Variants in DNAH10 observed in about 807,000 individuals in gnomAD.
DNAH10 encodes the protein dynein axonemal heavy chain 10.
Under a neutral mutation model 506.6 loss-of-function variants are expected in DNAH10, and 348 were observed. The observed-to-expected ratio is 0.69, with a 90% confidence interval of 0.63 to 0.75. The LOEUF (loss-of-function observed/expected upper bound fraction) is 0.75. Among genes scored for constraint, DNAH10 ranks in the 30% least tolerant of loss-of-function variants. The pLI is 0.00. For synonymous variants in DNAH10, 2,059 were observed against 2,198.6 expected, an observed-to-expected ratio of 0.94 and a Z score of 1.78; for missense variants, 5,179 against 5,787.1, an observed-to-expected ratio of 0.89 and a Z score of 3.41.
At chr12:123,867,710 G>A (rs1951867133) in intron 42 of DNAH10, 109 bp downstream of exon 42, 2 of 1,507,130 alleles carry the variant, frequency 1.3e-6, no homozygotes, top group Non-Finnish European at 9.0e-7. Flanking sequence ...CAGTAGCATT[G>A]TTGGTCAGTG....
intron 50 of DNAH10, 64 bp downstream of exon 50, chr12:123,879,865 T>C: frequency 6.4e-7 from 1 of 1,565,104 alleles, no homozygotes; most frequent in East Asian, 2.3e-5. Flanking sequence ...AAGCGGGAGC[T>C]GAGCATCGCG....
At chr12:123,845,565 G>T in intron 30 of DNAH10, 35 bp from the exon 31 acceptor site, 1 of 1,607,576 alleles carries the variant, frequency 6.2e-7, no homozygotes, top group South Asian at 1.1e-5. Context: ...TCCCCGGATT[G>T]ATCAGAGCCT....
Position 123,929,138 on chromosome 12 carries a change from A to G in DNAH10, c.12307-137A>G, listed in dbSNP as rs141167580. ...AACTTCTCAGCCTGGGCCCTGGACAAGAGACTTTAGCTATTGGAGGTCTCA... is the reference window on the plus strand; with the variant it reads ...AACTTCTCAGCCTGGGCCCTGGACAGGAGACTTTAGCTATTGGAGGTCTCA... On this transcript the variant is annotated intron_variant, in intron 70 of 78. Transcript: ENST00000673944. 6.4e-4 allele frequency: 565 copies of G among 877,152 alleles called. 2 individuals are homozygous for G. In the African/African-American group the frequency reaches 8.9e-3, roughly 14 times the overall value. The allele number at this position is 877,152 out of a possible 1,614,324, so 54.3% of individuals were successfully genotyped here. A position where few individuals can be genotyped will look rare whatever the true frequency, so the allele number is the denominator to read the frequency against.
chr12:123,784,072 C>T lies in DNAH10; in HGVS notation c.1125C>T (p.Ser375=). The change falls in exon 8 of 79, where the codon TCC becomes TCT. Residue 375 remains serine, a synonymous_variant. Transcript: ENST00000673944. ...KVLDVIKESD[S]MLVANLQPVF... ...TGGATGTGATCAAGGAATCCGACTC[C>T]ATGCTTGTGGCTAATCTGCAGCCAG... is the stretch of plus-strand genomic sequence containing the variant. 1 of 1,614,202 alleles carries T rather than the reference C, an allele frequency of 6.2e-7. No homozygotes were observed. The highest frequency in any genetic ancestry group is 8.5e-7 in the Non-Finnish European group (1 of 1,180,034).
chr12:123,895,126 A>G (rs1953160524), intron 54 of DNAH10, among the ~76,000 whole-genome samples: 1 of 152,276 alleles, frequency 6.6e-6, no homozygotes, highest in Admixed American at 6.5e-5. Flanking sequence ...CCGTATGAGT[A>G]CTGTTCGGCT....
intron 10 of DNAH10, among the ~76,000 whole-genome samples, chr12:123,788,526 A>T (rs1224456646): frequency 6.6e-6 from 1 of 152,228 alleles, no homozygotes; most frequent in Non-Finnish European, 1.5e-5. Flanking sequence ...TTAATGCTAG[A>T]GGAACCATAG....
At chr12:123,884,229 T>G (rs151138588) in intron 51 of DNAH10, among the ~76,000 whole-genome samples, 1,805 of 152,334 alleles carry the variant, frequency 0.012, 39 homozygotes, top group African/African-American at 0.041. Context: ...GAGACGGGGT[T>G]TCGCCATGTT....
At position 123,909,830 on chromosome 12, in the gene DNAH10, T is replaced by C. The variant is rs1566086358; in HGVS notation, c.9997+388T>C. On this transcript the variant is annotated intron_variant, in intron 58 of 78. Transcript: ENST00000673944. This position sits in a 1 kb window ranked among gnomAD's most constrained non-coding sequence, Gnocchi z 5.4. ...TGACCTTGACTTCCCCCCTTTCTCC[T>C]CTTGTCAGTGTCAAGTCTTCTGGAG... Among the ~76,000 whole-genome samples, 5 of 152,152 alleles carry C rather than the reference T, an allele frequency of 3.3e-5. No individual in the cohort carries two copies. The highest frequency in any genetic ancestry group is 3.3e-4 in the Admixed American group (5 of 15,274).
chr12:123,935,070 G>A (rs1258898037), intron 78 of DNAH10: 3 of 598,960 alleles, frequency 5.0e-6, no homozygotes, highest in Non-Finnish European at 8.8e-6. Flanking sequence ...CATTGCCTGA[G>A]TCATAAAGTG....
intron 66 of DNAH10, 149 bp from the exon 67 acceptor site, chr12:123,924,129 C>T: frequency 1.3e-5 from 14 of 1,087,868 alleles, no homozygotes; most frequent in South Asian, 1.7e-5. Flanking sequence ...GTGTCACTGG[C>T]GGTGACGAGG....
At position 123,926,727 on chromosome 12, in the gene DNAH10, C is replaced by T. The variant is rs372191025; in HGVS notation, c.12012C>T (p.Ser4004=). The T allele has an allele frequency of 1.8e-4, 293 of 1,613,824 alleles. No individual in the cohort carries two copies. The highest frequency in any genetic ancestry group is 2.3e-4 in the Non-Finnish European group (275 of 1,179,888). ...SPIVFILSPG[S]DPATDLMKLA... is the part of the protein sequence containing the mutation. ...TTGTGTTTATCCTGAGTCCTGGCTC[C>T]GACCCTGCCACTGATCTTATGAAAT... The change falls in exon 69 of 79, where the codon TCC becomes TCT. Residue 4004 remains serine, a synonymous_variant. Coordinates refer to ENST00000673944, the MANE Select transcript of DNAH10 (RefSeq NM_001372106.1). The surrounding 1 kb of genome is among the most constrained non-coding windows in gnomAD (Gnocchi z 4.1).
At chr12:123,817,154 G>T in intron 21 of DNAH10, among the ~76,000 whole-genome samples, 2 of 136,536 alleles carry the variant, frequency 1.5e-5, no homozygotes, top group Non-Finnish European at 3.1e-5. Context: ...TTGGTCTTTG[G>T]TTTTCAGCAG....
Position 123,916,445 on chromosome 12 carries a change from C to G in DNAH10, c.10723-12C>G. Reference sequence around the variant, plus strand: ...ACGTGGGCTTTCAGCATCTGCCTCCCTTCTCTTCCAGGTCGCTTCCTTTAA... The same window carrying G: ...ACGTGGGCTTTCAGCATCTGCCTCCGTTCTCTTCCAGGTCGCTTCCTTTAA... On this transcript the variant is annotated splice_polypyrimidine_tract_variant and intron_variant, in intron 62 of 78. Coordinates refer to ENST00000673944, the MANE Select transcript of DNAH10 (RefSeq NM_001372106.1). The surrounding 1 kb of genome is among the most constrained non-coding windows in gnomAD (Gnocchi z 4.6). 1 of 1,596,160 alleles carries G rather than the reference C, an allele frequency of 6.3e-7. No homozygotes were observed. Among genetic ancestry groups the G allele is most frequent in the Non-Finnish European group, 8.5e-7 (1 of 1,170,534 alleles).
chr12:123,830,780 TA>T (rs553207799), intron 26 of DNAH10, 81 bp downstream of exon 26: 158,259 of 902,108 alleles, frequency 0.18, 420 homozygotes, highest in East Asian at 0.3. Context: ...TCATCTATAC[TA>T]AAAAAAAAAA....
chr12:123,894,859 T>C, intron 54 of DNAH10, 136 bp downstream of exon 54: 1 of 775,390 alleles, frequency 1.3e-6, no homozygotes. Flanking sequence ...TTCAATTTTG[T>C]TAGTATGTTT....
chr12:123,922,115 C>T (rs1954756328), intron 65 of DNAH10, among the ~76,000 whole-genome samples: 1 of 152,110 alleles, frequency 6.6e-6, no homozygotes, highest in East Asian at 1.9e-4. Context: ...TGGCTCACTC[C>T]TGTAATCCCA....
In DNAH10 at chr12:123,800,236, G is replaced by A; in HGVS notation, c.2310G>A (p.Glu770=). The change falls in exon 15 of 79, where the codon GAG becomes GAA. Residue 770 remains glutamate, a synonymous_variant. Transcript: ENST00000673944. ...CACAGTCTTCCATCGCCACAGAGGA[G>A]CCTTCGACTTTAGAAAGGGGAGCTG... The part of the protein sequence containing the change: ...LLTKSSIATE[E]PSTLERGAVF... 6.2e-7 allele frequency: 1 copy of A among 1,613,874 alleles called. No homozygotes were observed. The highest frequency in any genetic ancestry group is 8.5e-7 in the Non-Finnish European group (1 of 1,179,926).
In DNAH10 at chr12:123,903,020, A is replaced by C. The variant is rs764421639; in HGVS notation, c.9722A>C (p.Glu3241Ala). 6.2e-7 allele frequency: 1 copy of C among 1,605,290 alleles called. No homozygotes were observed. The highest frequency in any genetic ancestry group is 1.7e-4 in the Middle Eastern group (1 of 6,054). The change falls in exon 57 of 79, where the codon GAG (glutamate) becomes GCG (alanine). Residue 3241 changes from glutamate to alanine, a missense_variant. This residue lies in a region of DNAH10 where 4,844 missense variants were observed against 5,430.5 expected (regional missense o/e 0.89). Coordinates refer to ENST00000673944, the MANE Select transcript of DNAH10 (RefSeq NM_001372106.1). The surrounding 1 kb of genome is among the most constrained non-coding windows in gnomAD (Gnocchi z 4.6). ...QNKVIAMEKAEAETTLAEVMP... is the reference protein window; with the variant it reads ...QNKVIAMEKAAAETTLAEVMP... Reference sequence around the variant, plus strand: ...AAAGTCATTGCCATGGAGAAGGCCGAGGCCGAGACGACCCTGGCAGAGGTC... The same window carrying C: ...AAAGTCATTGCCATGGAGAAGGCCGCGGCCGAGACGACCCTGGCAGAGGTC...
Position 123,762,322 on chromosome 12 carries a change from G to A in DNAH10, c.-15G>A, listed in dbSNP as rs946061411. Reference sequence around the variant, plus strand: ...GCCCGCCCTGCGCCCGGCTCCCTCTGCACTGCGCGGCGCCATGGACGACCT... The same window carrying A: ...GCCCGCCCTGCGCCCGGCTCCCTCTACACTGCGCGGCGCCATGGACGACCT... On this transcript the variant is annotated 5_prime_UTR_variant, in exon 1 of 79. Transcript: ENST00000673944. The surrounding 1 kb of genome is among the most constrained non-coding windows in gnomAD (Gnocchi z 5.0). 6 of 1,318,378 alleles carry A rather than the reference G, an allele frequency of 4.6e-6. No individual in the cohort carries two copies. In the African/African-American group the frequency reaches 9.2e-5, roughly 20 times the overall value. The allele number at this position is 1,318,378 out of a possible 1,614,324, so 81.7% of individuals were successfully genotyped here. A position where few individuals can be genotyped will look rare whatever the true frequency, so the allele number is the denominator to read the frequency against.
Sources: gnomAD v4.1 joint callset for allele counts (sites outside exome capture counted in the v4.1 genomes callset) on GRCh38, gnomAD v4.1.1 for gene constraint, gnomAD v4.1.1 regional missense constraint, Gnocchi (gnomAD v3.1) non-coding constraint, MANE v1.5 for transcripts, NCBI Gene and HGNC (gene_info 2026-07-23, HGNC 2026-07-21) for gene names.